GALNT7: variants seen among roughly 807,000 people sequenced by gnomAD.
The protein encoded by GALNT7 is N-acetylgalactosaminyltransferase 7.
GALNT7 carries 60 observed loss-of-function variants against 82.1 expected under a neutral mutation model. The ratio of observed to expected loss-of-function variants is 0.73; its 90% CI spans 0.59 to 0.91. The LOEUF (loss-of-function observed/expected upper bound fraction) is 0.91. Ranked by LOEUF, GALNT7 falls within the 40% of genes least tolerant of loss-of-function variation. GALNT7 has a pLI of 0.00. For synonymous variants in GALNT7, 243 were observed against 275.1 expected (o/e 0.88, Z 1.15); for missense variants, 660 against 804.2 (o/e 0.82, Z 2.17).
chr4:173,225,813 C>G (rs1733807665), intron 1 of GALNT7, among the ~76,000 whole-genome samples: 1 of 152,152 alleles, frequency 6.6e-6, no homozygotes, highest in Non-Finnish European at 1.5e-5. Context: ...CAGAATTGAT[C>G]TCTGGGGATC....
intron 1 of GALNT7, among the ~76,000 whole-genome samples, chr4:173,199,453 A>C (rs1478988286): frequency 6.6e-6 from 1 of 152,182 alleles, no homozygotes; most frequent in East Asian, 1.9e-4. Context: ...CACATGCTAA[A>C]ATTGAAGATG....
At chr4:173,216,268 C>T (rs1167093667) in intron 1 of GALNT7, among the ~76,000 whole-genome samples, 1 of 152,160 alleles carries the variant, frequency 6.6e-6, no homozygotes, top group Non-Finnish European at 1.5e-5. Context: ...ATTAAAAGTG[C>T]AAAGGTAAAC....
At chr4:173,232,914 A>C (rs1734078563) in intron 1 of GALNT7, among the ~76,000 whole-genome samples, 1 of 151,868 alleles carries the variant, frequency 6.6e-6, no homozygotes, top group African/African-American at 2.4e-5. Context: ...CTTCCCAGCC[A>C]CTGTTAGCCA....
At chr4:173,252,407 G>T (rs1734881426) in intron 2 of GALNT7, among the ~76,000 whole-genome samples, 1 of 152,212 alleles carries the variant, frequency 6.6e-6, no homozygotes, top group African/African-American at 2.4e-5. Context: ...TGTTTGTCCA[G>T]CTGTGACATC....
intron 1 of GALNT7, among the ~76,000 whole-genome samples, chr4:173,173,843 T>C (rs1731955177): frequency 6.6e-6 from 1 of 152,220 alleles, no homozygotes; most frequent in African/African-American, 2.4e-5. Flanking sequence ...TTTTATGTGA[T>C]AGGCAAGCTA....
chr4:173,239,556 A>C (rs1173346098), intron 1 of GALNT7, among the ~76,000 whole-genome samples: 2 of 152,242 alleles, frequency 1.3e-5, no homozygotes, highest in East Asian at 3.8e-4. Flanking sequence ...CTGTGTAAAC[A>C]AAACAAAACA....
intron 2 of GALNT7, among the ~76,000 whole-genome samples, chr4:173,269,290 C>T (rs142249968): frequency 3.8e-4 from 58 of 152,102 alleles, no homozygotes; most frequent in African/African-American, 1.3e-3. Context: ...ATAAAGTGGC[C>T]GAGTTATTAT....
intron 2 of GALNT7, among the ~76,000 whole-genome samples, chr4:173,275,150 C>T (rs1483497801): frequency 6.6e-6 from 1 of 152,176 alleles, no homozygotes; most frequent in Non-Finnish European, 1.5e-5. Context: ...TGAGGAGGAG[C>T]ATCAGGGGAT....
chr4:173,263,952 A>T (rs1735378153), intron 2 of GALNT7, among the ~76,000 whole-genome samples: 1 of 152,200 alleles, frequency 6.6e-6, no homozygotes, highest in African/African-American at 2.4e-5. Context: ...CTGCTAGCTC[A>T]TTGGTTTGGA....
At chr4:173,179,256 A>C (rs1732172564) in intron 1 of GALNT7, among the ~76,000 whole-genome samples, 1 of 152,210 alleles carries the variant, frequency 6.6e-6, no homozygotes, top group African/African-American at 2.4e-5. Context: ...TTTTGGAGCG[A>C]GTTCACTCTT....
chr4:173,232,012 G>A (rs1734045460), intron 1 of GALNT7, among the ~76,000 whole-genome samples: 1 of 152,216 alleles, frequency 6.6e-6, no homozygotes, highest in Admixed American at 6.5e-5. Context: ...AACTAGAGCA[G>A]ATGGTGGGGG....
At chr4:173,259,295 G>A (rs1344331470) in intron 2 of GALNT7, among the ~76,000 whole-genome samples, 3 of 152,188 alleles carry the variant, frequency 2.0e-5, no homozygotes, top group Admixed American at 2.0e-4. Context: ...GATGAAGATA[G>A]TTGTTAGATT....
chr4:173,277,549 T>C (rs751723203), intron 2 of GALNT7, among the ~76,000 whole-genome samples: 1 of 152,224 alleles, frequency 6.6e-6, no homozygotes, highest in Non-Finnish European at 1.5e-5. Context: ...GGCCTAGGGA[T>C]GACGTCACAT....
chr4:173,275,953 C>G (rs918639761), intron 2 of GALNT7, among the ~76,000 whole-genome samples: 1 of 152,198 alleles, frequency 6.6e-6, no homozygotes, highest in African/African-American at 2.4e-5. Flanking sequence ...TACCTTCCAA[C>G]TATGGCACCA....
Position 173,277,514 on chromosome 4 carries a change from G to A in GALNT7, c.588-14594G>A, listed in dbSNP as rs375178028. 2.8e-4 allele frequency among the ~76,000 whole-genome samples: 42 copies of A among 152,304 alleles called. 1 individual carries two copies. The East Asian group carries it at 5.2e-3, about 19-fold the overall frequency. The stretch of plus-strand genomic sequence containing the variant: ...ACTCTGATTGGCACTTCTCAAACAG[G>A]TGTGCACTCTGAGTCCATTTTGATG... On this transcript the variant is annotated intron_variant, in intron 2 of 11. Transcript: ENST00000265000.
intron 5 of GALNT7, 54 bp from the exon 6 acceptor site, chr4:173,298,061 G>T: frequency 1.9e-6 from 3 of 1,557,622 alleles, no homozygotes; most frequent in East Asian, 4.5e-5. Flanking sequence ...GTATAAATGT[G>T]TGGGTCCATA....
At chr4:173,255,945 A>C (rs1735021616) in intron 2 of GALNT7, among the ~76,000 whole-genome samples, 2 of 152,224 alleles carry the variant, frequency 1.3e-5, no homozygotes, top group Non-Finnish European at 2.9e-5. Context: ...TCTTTGATGC[A>C]TATTGGCTCC....
Position 173,302,021 on chromosome 4 carries a change from G to A in GALNT7, c.1149-26G>A. ...GGTTATTGGGGGTTTGTCTGTAATGGTTATTGCAGTGTTTCTTTTTCTTAG... is the reference window on the plus strand; with the variant it reads ...GGTTATTGGGGGTTTGTCTGTAATGATTATTGCAGTGTTTCTTTTTCTTAG... On this transcript the variant is annotated intron_variant, in intron 6 of 11. Transcript: ENST00000265000. The surrounding 1 kb of genome is among the most constrained non-coding windows in gnomAD (Gnocchi z 4.2). The A allele has an allele frequency of 1.9e-6, 2 of 1,026,648 alleles. No homozygotes were observed. Among genetic ancestry groups the A allele is most frequent in the South Asian group, 1.3e-5 (1 of 78,698 alleles). 63.6% of individuals were successfully genotyped at this position (1,026,648 alleles called of 1,614,324 possible).
At chr4:173,226,147 C>T (rs1733819498) in intron 1 of GALNT7, among the ~76,000 whole-genome samples, 1 of 152,186 alleles carries the variant, frequency 6.6e-6, no homozygotes, top group African/African-American at 2.4e-5. Context: ...GTGTCCACCA[C>T]ATCTCCAGTA....
Sources: allele counts gnomAD v4.1 joint callset (sites outside exome capture counted in the v4.1 genomes callset), GRCh38; gene constraint gnomAD v4.1.1; non-coding constraint Gnocchi (gnomAD v3.1); transcripts MANE v1.5; gene names NCBI Gene and HGNC (gene_info 2026-07-23, HGNC 2026-07-21).